Variants in DCUN1D4 observed in about 807,000 individuals in gnomAD.
DCUN1D4 encodes DCN1-like protein 4.
In DCUN1D4, 22 loss-of-function variants were observed where a neutral mutation model predicts 47.9. The observed-to-expected ratio is 0.46, with a 90% confidence interval of 0.33 to 0.66. The LOEUF is 0.66. DCUN1D4 is among the 30% of genes least tolerant of loss of function. The pLI is 0.02. For synonymous variants in DCUN1D4, 121 were observed against 112.2 expected, an observed-to-expected ratio of 1.08 and a Z score of -0.50; for missense variants, 301 against 340.8, an observed-to-expected ratio of 0.88 and a Z score of 0.92.
Position 51,891,702 on chromosome 4 carries a change from T to G in DCUN1D4, c.415-58T>G, listed in dbSNP as rs1220773287. The G allele has an allele frequency of 3.7e-6, 5 of 1,369,184 alleles. No homozygotes were observed. In the African/African-American group the frequency reaches 7.4e-5, roughly 20 times the overall value. The allele number at this position is 1,369,184 out of a possible 1,614,324, so 84.8% of individuals were successfully genotyped here. ...ATGTATTAATGACAGATCTATTTGT[T>G]TTTTCTTTTTAATTTGTGTAATATA... On this transcript the variant is annotated intron_variant, in intron 6 of 10. Transcript: ENST00000334635.
chr4:51,843,487 G>A, intron 1 of DCUN1D4: 1 of 1,277,446 alleles, frequency 7.8e-7, no homozygotes, highest in Non-Finnish European at 9.9e-7. Flanking sequence ...CTGCGGGGAG[G>A]GCGGAGGTGA....
chr4:51,882,608 A>C (rs1728837742), intron 5 of DCUN1D4, among the ~76,000 whole-genome samples: 1 of 152,116 alleles, frequency 6.6e-6, no homozygotes, highest in Non-Finnish European at 1.5e-5. Context: ...GTACTAAAAA[A>C]TACAAAAAAT....
In DCUN1D4 at chr4:51,916,782, A is replaced by G. The variant is rs540806838; in HGVS notation, c.*3198A>G. ...AGCAAACTGGTTTTAGGTTTCAATG[A>G]CATTGATGTAAAATGATATCCCATG... On this transcript the variant is annotated 3_prime_UTR_variant, in exon 11 of 11. Transcript: ENST00000334635. 9 of 152,722 alleles carry G rather than the reference A, an allele frequency of 5.9e-5. No homozygotes were observed. The highest frequency in any genetic ancestry group is 4.1e-4 in the South Asian group (2 of 4,832). The allele number at this position is 152,722 out of a possible 1,614,324, so 9.5% of individuals were successfully genotyped here.
chr4:51,891,912 C>T (rs1051160955), intron 7 of DCUN1D4, 61 bp downstream of exon 7: 4 of 1,288,410 alleles, frequency 3.1e-6, no homozygotes, highest in Non-Finnish European at 4.4e-6. Context: ...CCTCCTTCCT[C>T]CCTAGGACTT....
intron 5 of DCUN1D4, among the ~76,000 whole-genome samples, chr4:51,883,674 AT>A (rs1729038829): frequency 6.6e-6 from 1 of 152,206 alleles, no homozygotes; most frequent in Non-Finnish European, 1.5e-5. Flanking sequence ...TGATTAAATT[AT>A]TTTACACTTG....
chr4:51,913,699 G>T lies in DCUN1D4; in HGVS notation c.*115G>T, dbSNP rs933305302. ...GCTTCTCTTGCACTGTTTCCCTTTC[G>T]CAGGGACATGTTGGTGTTTGCTATT... On this transcript the variant is annotated 3_prime_UTR_variant, in exon 11 of 11. Transcript: ENST00000334635. The T allele has an allele frequency of 3.2e-6, 3 of 934,190 alleles. No individual in the cohort carries two copies. Among genetic ancestry groups the T allele is most frequent in the Non-Finnish European group, 5.0e-6 (3 of 594,858 alleles). 57.9% of individuals were successfully genotyped at this position (934,190 alleles called of 1,614,324 possible). A position where few individuals can be genotyped will look rare whatever the true frequency, so the allele number is the denominator to read the frequency against.
At chr4:51,905,026 G>C (rs1222947604) in intron 8 of DCUN1D4, among the ~76,000 whole-genome samples, 1 of 152,112 alleles carries the variant, frequency 6.6e-6, no homozygotes, top group Non-Finnish European at 1.5e-5. Flanking sequence ...ACCAGAAAAT[G>C]ATAAAATAGC....
At chr4:51,864,504 G>A (rs1015038140) in intron 3 of DCUN1D4, among the ~76,000 whole-genome samples, 1 of 152,180 alleles carries the variant, frequency 6.6e-6, no homozygotes, top group African/African-American at 2.4e-5. Context: ...CTTAAACTGA[G>A]TAGTTTATAA....
At chr4:51,846,236 G>T (rs893152837) in intron 1 of DCUN1D4, among the ~76,000 whole-genome samples, 3 of 152,066 alleles carry the variant, frequency 2.0e-5, no homozygotes, top group Non-Finnish European at 4.4e-5. Context: ...GCTTGGGGAG[G>T]TCCTTTATTT....
chr4:51,893,765 C>T (rs1730814337), intron 7 of DCUN1D4, among the ~76,000 whole-genome samples: 1 of 152,168 alleles, frequency 6.6e-6, no homozygotes, highest in South Asian at 2.1e-4. Context: ...TTTAAAGTGT[C>T]CTTGTGATGA....
At chr4:51,886,782 G>A (rs1729542088) in intron 6 of DCUN1D4, 144 bp downstream of exon 6, 1 of 666,196 alleles carries the variant, frequency 1.5e-6, no homozygotes, top group African/African-American at 1.8e-5. Flanking sequence ...TCTAATTCTA[G>A]TTTGACTTAT....
chr4:51,846,125 T>C (rs1176368990), intron 1 of DCUN1D4, among the ~76,000 whole-genome samples: 1 of 152,180 alleles, frequency 6.6e-6, no homozygotes, highest in Non-Finnish European at 1.5e-5. Flanking sequence ...AAAGGGCAGG[T>C]GCTTTTTATA....
intron 3 of DCUN1D4, chr4:51,865,134 T>G (rs1175370768): frequency 4.6e-6 from 1 of 218,528 alleles, no homozygotes; most frequent in Non-Finnish European, 1.0e-5. Context: ...GGATAAAGAT[T>G]TGTTCACAAA....
chr4:51,859,994 TAAG>T (rs748117636), intron 1 of DCUN1D4, among the ~76,000 whole-genome samples: 6 of 152,148 alleles, frequency 3.9e-5, no homozygotes, highest in African/African-American at 7.2e-5. Context: ...ATCTAGGCCT[TAAG>T]GAGGTGAAAT....
rs1734222805 is a variant in DCUN1D4, at chr4:51,915,267, AT to A, written c.*1684del. ...GTGTGTGTGTATACAAAATCATGAT[AT>A]AGTAGAATGCAACTACTTTCTTTTT... On this transcript the variant is annotated 3_prime_UTR_variant, in exon 11 of 11. Transcript: ENST00000334635. The A allele has an allele frequency of 6.6e-6, 1 of 152,592 alleles. No individual in the cohort carries two copies. The highest frequency in any genetic ancestry group is 6.6e-5 in the Admixed American group (1 of 15,254). 9.5% of individuals were successfully genotyped at this position (152,592 alleles called of 1,614,324 possible).
chr4:51,871,061 GAC>G (rs1390567577), intron 3 of DCUN1D4, among the ~76,000 whole-genome samples: 1 of 150,664 alleles, frequency 6.6e-6, no homozygotes, highest in East Asian at 2.0e-4. Context: ...CAGGTGGATA[GAC>G]ACAGTTTCTT....
intron 6 of DCUN1D4, among the ~76,000 whole-genome samples, chr4:51,889,063 C>G (rs1475140938): frequency 6.6e-6 from 1 of 152,042 alleles, no homozygotes; most frequent in South Asian, 2.1e-4. Flanking sequence ...GAGCCGAGAT[C>G]GCACCACTGT....
intron 8 of DCUN1D4, among the ~76,000 whole-genome samples, chr4:51,901,449 A>G (rs1460638799): frequency 6.6e-6 from 1 of 152,088 alleles, no homozygotes; most frequent in Non-Finnish European, 1.5e-5. Flanking sequence ...TCCCCACTCA[A>G]CGCCTGCATT....
intron 8 of DCUN1D4, among the ~76,000 whole-genome samples, chr4:51,901,655 G>A (rs141938800): frequency 3.3e-5 from 5 of 152,252 alleles, no homozygotes; most frequent in South Asian, 2.1e-4. Flanking sequence ...TCAGCCTGTC[G>A]GGGTGGGATT....
Sources: allele counts gnomAD v4.1 joint callset (sites outside exome capture counted in the v4.1 genomes callset), GRCh38; gene constraint gnomAD v4.1.1; transcripts MANE v1.5; gene names NCBI Gene and HGNC (gene_info 2026-07-23, HGNC 2026-07-21).